Variants in PREX2 observed in about 807,000 individuals in gnomAD.
PREX2 encodes the protein phosphatidylinositol 3,4,5-trisphosphate-dependent Rac exchanger 2 protein.
In PREX2, 107 loss-of-function variants were observed where a neutral mutation model predicts 203.2. The observed-to-expected ratio is 0.53, with a 90% confidence interval of 0.45 to 0.62. The LOEUF (loss-of-function observed/expected upper bound fraction) is 0.62. Ranked by LOEUF, PREX2 falls within the 20% of genes least tolerant of loss-of-function variation. The pLI is 0.00. For missense variants in PREX2, 1,777 were observed against 1,955.9 expected, an observed-to-expected ratio of 0.91 and a Z score of 1.72; for synonymous variants, 672 against 663.6, an observed-to-expected ratio of 1.01 and a Z score of -0.19.
intron 35 of PREX2, among the ~76,000 whole-genome samples, chr8:68,178,452 C>A (rs1407552251): frequency 1.3e-5 from 2 of 151,686 alleles, no homozygotes; most frequent in Non-Finnish European, 1.5e-5. Flanking sequence ...ATGTCCTTTG[C>A]CCATTTTTAA....
intron 35 of PREX2, among the ~76,000 whole-genome samples, chr8:68,181,515 A>G (rs1172300306): frequency 1.3e-5 from 2 of 152,144 alleles, no homozygotes; most frequent in East Asian, 3.8e-4. Context: ...AGTTTAAAAT[A>G]GGGTAGAGAC....
At chr8:68,222,283 G>A (rs1366481966) in intron 38 of PREX2, among the ~76,000 whole-genome samples, 2 of 152,006 alleles carry the variant, frequency 1.3e-5, no homozygotes, top group African/African-American at 4.8e-5. Flanking sequence ...TGGAGAATTG[G>A]TAAATTACCA....
chr8:68,009,346 T>C (rs1298960477), intron 1 of PREX2, among the ~76,000 whole-genome samples: 3 of 152,244 alleles, frequency 2.0e-5, no homozygotes, highest in African/African-American at 7.2e-5. Context: ...ACTTCCCACT[T>C]ACCCTTTTCT....
intron 37 of PREX2, among the ~76,000 whole-genome samples, chr8:68,213,357 G>GC (rs1563590227): frequency 6.6e-6 from 1 of 152,118 alleles, no homozygotes; most frequent in Admixed American, 6.6e-5. Flanking sequence ...CAGTGCTAAG[G>GC]CCCCTCCCAG....
chr8:68,190,600 G>A (rs1812272350), intron 35 of PREX2, among the ~76,000 whole-genome samples: 1 of 152,008 alleles, frequency 6.6e-6, no homozygotes, highest in African/African-American at 2.4e-5. Flanking sequence ...TCCCACTTGT[G>A]GAGAGGTAGG....
intron 34 of PREX2, 85 bp from the exon 35 acceptor site, chr8:68,157,237 T>TCAA (rs1811559092): frequency 1.6e-6 from 1 of 613,104 alleles, no homozygotes; most frequent in African/African-American, 1.9e-5. Flanking sequence ...TTTGCTAAAT[T>TCAA]TACTAATAAT....
At chr8:68,045,710 T>A (rs1442136039) in intron 8 of PREX2, among the ~76,000 whole-genome samples, 1 of 151,986 alleles carries the variant, frequency 6.6e-6, no homozygotes, top group Non-Finnish European at 1.5e-5. Flanking sequence ...AACTGTGGGG[T>A]GGTGTGGAGT....
chr8:68,174,760 A>T (rs1811946381), intron 35 of PREX2, among the ~76,000 whole-genome samples: 1 of 152,142 alleles, frequency 6.6e-6, no homozygotes, highest in Non-Finnish European at 1.5e-5. Flanking sequence ...CTAATAGATG[A>T]TTATTAATAA....
At chr8:67,977,720 T>C (rs1381611306) in intron 1 of PREX2, among the ~76,000 whole-genome samples, 4 of 152,214 alleles carry the variant, frequency 2.6e-5, no homozygotes, top group South Asian at 4.2e-4. Context: ...TAATCACCAG[T>C]GGCCAATGAT....
intron 39 of PREX2, among the ~76,000 whole-genome samples, chr8:68,229,322 A>G (rs976800327): frequency 6.6e-6 from 1 of 152,210 alleles, no homozygotes; most frequent in African/African-American, 2.4e-5. Flanking sequence ...AGTATACAAA[A>G]GGGCCCCAAA....
chr8:68,158,543 G>C (rs1811592273), intron 35 of PREX2, among the ~76,000 whole-genome samples: 1 of 152,210 alleles, frequency 6.6e-6, no homozygotes, highest in East Asian at 1.9e-4. Context: ...CATTCTCACT[G>C]ATTTACAGAA....
chr8:68,044,402 TCAAAGAA>T lies in PREX2; in HGVS notation c.840-84_840-78del. On this transcript the variant is annotated intron_variant, in intron 7 of 39. Transcript: ENST00000288368. ...TTGTCGATTGAATTGGTGTCTTTTT[TCAAAGAA>T]TTGCCTAAAATATATTGTTTTGACA... 4 of 933,782 alleles carry T rather than the reference TCAAAGAA, an allele frequency of 4.3e-6. No homozygotes were observed. In the Admixed American group the frequency reaches 6.3e-5, roughly 15 times the overall value. The allele number at this position is 933,782 out of a possible 1,614,324, so 57.8% of individuals were successfully genotyped here.
chr8:68,085,333 T>G (rs886486895), intron 18 of PREX2, among the ~76,000 whole-genome samples: 1 of 152,206 alleles, frequency 6.6e-6, no homozygotes, highest in Non-Finnish European at 1.5e-5. Context: ...TACTCATTTT[T>G]TTGAAGATGG....
chr8:68,067,970 C>T lies in PREX2; in HGVS notation c.1340-1063C>T, dbSNP rs538852246. ...CTTTTTCTGCTTCTATTGAGATCAT[C>T]GTATGATTTTTGTCTTTTATTCTGT... On this transcript the variant is annotated intron_variant, in intron 11 of 39. Transcript: ENST00000288368. Among the ~76,000 whole-genome samples, 48 of 152,092 alleles carry T rather than the reference C, an allele frequency of 3.2e-4. 1 individual carries two copies. Among genetic ancestry groups the T allele is most frequent in the Middle Eastern group, 3.4e-3 (1 of 294 alleles).
intron 8 of PREX2, among the ~76,000 whole-genome samples, chr8:68,050,685 A>C (rs1034349552): frequency 6.6e-5 from 10 of 152,176 alleles, no homozygotes; most frequent in Admixed American, 2.0e-4. Context: ...TCACATGCTC[A>C]CTTATCTGAT....
At chr8:68,030,042 ATAGTTT>A (rs1452484587) in intron 5 of PREX2, among the ~76,000 whole-genome samples, 1 of 152,140 alleles carries the variant, frequency 6.6e-6, no homozygotes, top group African/African-American at 2.4e-5. Flanking sequence ...TGTTTATGAC[ATAGTTT>A]TATAGTTTCT....
In PREX2 at chr8:68,233,056, GTAA is replaced by G. The variant is rs1269835937; in HGVS notation, c.*1686_*1688del. 6.6e-6 allele frequency: 1 copy of G among 152,136 alleles called. No homozygotes were observed. Among genetic ancestry groups the G allele is most frequent in the African/African-American group, 2.4e-5 (1 of 41,410 alleles). 9.4% of individuals were successfully genotyped at this position (152,136 alleles called of 1,614,324 possible). A position where few individuals can be genotyped will look rare whatever the true frequency, so the allele number is the denominator to read the frequency against. On this transcript the variant is annotated 3_prime_UTR_variant, in exon 40 of 40. Coordinates refer to ENST00000288368, the MANE Select transcript of PREX2 (RefSeq NM_024870.4). ...CAATATGTGTATACTACTAGGTAAG[GTAA>G]TAATAATTGTTATTTGGCACAGAAG...
chr8:67,995,386 A>G (rs1806737353), intron 1 of PREX2, among the ~76,000 whole-genome samples: 1 of 152,314 alleles, frequency 6.6e-6, no homozygotes, highest in African/African-American at 2.4e-5. Context: ...AGTCCTAAAT[A>G]AAGCCAGATA....
Position 68,090,514 on chromosome 8 carries a change from A to G in PREX2, c.2114-65A>G, listed in dbSNP as rs1372139229. 5 of 1,408,320 alleles carry G rather than the reference A, an allele frequency of 3.6e-6. No individual in the cohort carries two copies. The East Asian group carries it at 1.2e-4, about 33-fold the overall frequency. The allele number at this position is 1,408,320 out of a possible 1,614,324, so 87.2% of individuals were successfully genotyped here. A position where few individuals can be genotyped will look rare whatever the true frequency, so the allele number is the denominator to read the frequency against. On this transcript the variant is annotated intron_variant, in intron 19 of 39. Transcript: ENST00000288368. ...TTTAAAATTGCTTCCATAATTGTAT[A>G]TATCATACAAATGAATCTTATTCCT... is the stretch of plus-strand genomic sequence containing the variant.
Sources: gnomAD v4.1 joint callset for allele counts (sites outside exome capture counted in the v4.1 genomes callset) on GRCh38, gnomAD v4.1.1 for gene constraint, MANE v1.5 for transcripts, NCBI Gene and HGNC (gene_info 2026-07-23, HGNC 2026-07-21) for gene names.